Variants in KSR2 observed in about 807,000 individuals in gnomAD.
KSR2 encodes kinase suppressor of ras 2.
In KSR2, 25 loss-of-function variants were observed where a neutral mutation model predicts 107.8. That is an observed-to-expected ratio of 0.23 (90% confidence interval 0.17 to 0.32). KSR2 has a LOEUF of 0.32. Among genes scored for constraint, KSR2 ranks in the 10% least tolerant of loss-of-function variants. KSR2 has a pLI of 1.00. For missense variants in KSR2, 887 were observed against 1,268.9 expected (o/e 0.70, Z 4.57); for synonymous variants, 480 against 507.0 (o/e 0.95, Z 0.71).
intron 14 of KSR2, among the ~76,000 whole-genome samples, chr12:117,515,981 G>T (rs1432307172): frequency 6.6e-6 from 1 of 152,132 alleles, no homozygotes; most frequent in Non-Finnish European, 1.5e-5. Flanking sequence ...GGGAGAAGCT[G>T]CACAGTGGGA....
At chr12:117,475,999 A>G (rs1468337811) in intron 17 of KSR2, among the ~76,000 whole-genome samples, 1 of 152,222 alleles carries the variant, frequency 6.6e-6, no homozygotes, top group Non-Finnish European at 1.5e-5. Context: ...CCGCAGCCCT[A>G]GCCAATATCT....
At chr12:117,631,872 C>T (rs1245136755) in intron 5 of KSR2, among the ~76,000 whole-genome samples, 1 of 152,036 alleles carries the variant, frequency 6.6e-6, no homozygotes, top group East Asian at 1.9e-4. Context: ...GCATAGAGTC[C>T]CCATAAAACA....
In KSR2 at chr12:117,860,361, G is replaced by A. The variant is rs1893250276; in HGVS notation, c.251C>T (p.Ala84Val). Residue 84 changes from alanine (A) to valine (V), a missense_variant, in exon 2 of 20, where the codon GCG becomes GTG. By Grantham distance (64) the Ala-to-Val change is moderately conservative. This residue lies in a region of KSR2 where 399 missense variants were observed against 479.5 expected (regional missense o/e 0.83). Coordinates refer to ENST00000339824, the MANE Select transcript of KSR2 (RefSeq NM_173598.6). ...TAGCTGGGGGAAGCCGTCCAGCTCCGCGTTGCGCTCCTGCAAGGCTACCTT... is the reference window on the plus strand; with the variant it reads ...TAGCTGGGGGAAGCCGTCCAGCTCCACGTTGCGCTCCTGCAAGGCTACCTT... ...KKKVALQERN[A>V]ELDGFPQLRH... is the part of the protein sequence containing the mutation. The A allele has an allele frequency of 1.8e-5, 29 of 1,613,656 alleles. No homozygotes were observed. The highest frequency in any genetic ancestry group is 3.3e-5 in the South Asian group (3 of 91,060).
intron 4 of KSR2, among the ~76,000 whole-genome samples, chr12:117,717,722 C>T (rs1214339507): frequency 4.0e-5 from 6 of 149,420 alleles, no homozygotes; most frequent in East Asian, 2.0e-4. Context: ...TGCATGCGCG[C>T]GCGTGCATGC....
intron 5 of KSR2, among the ~76,000 whole-genome samples, chr12:117,603,864 A>C (rs1237287411): frequency 6.6e-6 from 1 of 152,174 alleles, no homozygotes; most frequent in African/African-American, 2.4e-5. Context: ...CTAAGGGCTA[A>C]ACAGAAACCA....
At chr12:117,471,346 T>A in intron 17 of KSR2, 26 bp from the exon 18 acceptor site, 2 of 1,608,290 alleles carry the variant, frequency 1.2e-6, no homozygotes, top group Non-Finnish European at 1.7e-6. Flanking sequence ...GTTAAAGGGG[T>A]GTTGGTGTGG....
chr12:117,905,497 C>A (rs182240678), intron 1 of KSR2, among the ~76,000 whole-genome samples: 1 of 152,260 alleles, frequency 6.6e-6, no homozygotes, highest in Admixed American at 6.5e-5. Flanking sequence ...ACACCTTCAC[C>A]TCTAGAACCA....
At chr12:117,609,534 T>C (rs985517643) in intron 5 of KSR2, among the ~76,000 whole-genome samples, 1 of 152,266 alleles carries the variant, frequency 6.6e-6, no homozygotes, top group Non-Finnish European at 1.5e-5. Context: ...AAAAGAATCA[T>C]ATTTTGTGAC....
chr12:117,747,411 C>A (rs1383281328), intron 4 of KSR2, among the ~76,000 whole-genome samples: 2 of 133,822 alleles, frequency 1.5e-5, no homozygotes, highest in Non-Finnish European at 3.2e-5. Context: ...GGGTGGGGAA[C>A]AACACACACC....
chr12:117,568,282 T>C (rs1031593649), intron 7 of KSR2, among the ~76,000 whole-genome samples: 2 of 152,066 alleles, frequency 1.3e-5, no homozygotes, highest in Admixed American at 1.3e-4. Flanking sequence ...CAAAGATCCA[T>C]TTGTCATCTT....
chr12:117,660,344 G>A (rs1884380081), intron 5 of KSR2, among the ~76,000 whole-genome samples: 1 of 152,184 alleles, frequency 6.6e-6, no homozygotes, highest in Non-Finnish European at 1.5e-5. Context: ...AAGCAGGGTT[G>A]GTTCTTTCTG....
intron 2 of KSR2, among the ~76,000 whole-genome samples, chr12:117,859,453 T>TA (rs1893211706): frequency 3.0e-5 from 4 of 133,388 alleles, no homozygotes; most frequent in African/African-American, 1.3e-4. Context: ...GTTTTTTGTT[T>TA]TTTATTTATT....
chr12:117,767,257 C>CAA (rs1203613217), intron 3 of KSR2, among the ~76,000 whole-genome samples: 51 of 119,980 alleles, frequency 4.3e-4, no homozygotes, highest in African/African-American at 1.0e-3. Flanking sequence ...ACTAAAAATC[C>CAA]AAAAAAAAAA....
chr12:117,566,908 C>T (rs1878530802), intron 7 of KSR2, among the ~76,000 whole-genome samples: 1 of 152,132 alleles, frequency 6.6e-6, no homozygotes, highest in Non-Finnish European at 1.5e-5. Flanking sequence ...ATAAATGAGC[C>T]CAGCTGGATT....
At chr12:117,533,462 T>C (rs188336607) in intron 10 of KSR2, among the ~76,000 whole-genome samples, 123 of 152,328 alleles carry the variant, frequency 8.1e-4, no homozygotes, top group Middle Eastern at 3.4e-3. Context: ...TATCAAATAG[T>C]TGGAGTCCAT....
At chr12:117,829,806 C>T (rs2137109238) in intron 3 of KSR2, among the ~76,000 whole-genome samples, 1 of 152,340 alleles carries the variant, frequency 6.6e-6, no homozygotes, top group Middle Eastern at 3.4e-3. Context: ...AACTAGGCAG[C>T]CCACTCTAGT....
At chr12:117,892,603 A>G (rs1261549578) in intron 1 of KSR2, among the ~76,000 whole-genome samples, 1 of 152,116 alleles carries the variant, frequency 6.6e-6, no homozygotes, top group Non-Finnish European at 1.5e-5. Context: ...CTCAGCCTAT[A>G]TTTGTAAATA....
chr12:117,794,765 T>C (rs898878661), intron 3 of KSR2, among the ~76,000 whole-genome samples: 3 of 151,952 alleles, frequency 2.0e-5, no homozygotes, highest in African/African-American at 7.3e-5. Context: ...ACACCCAACG[T>C]GCACACACAC....
intron 17 of KSR2, among the ~76,000 whole-genome samples, chr12:117,471,732 T>A (rs906687847): frequency 6.6e-6 from 1 of 151,932 alleles, no homozygotes; most frequent in Non-Finnish European, 1.5e-5. Context: ...TTATGGTAAA[T>A]CCATAAAATA....
Sources: allele counts gnomAD v4.1 joint callset (sites outside exome capture counted in the v4.1 genomes callset), GRCh38; gene constraint gnomAD v4.1.1; regional missense constraint gnomAD v4.1.1; transcripts MANE v1.5; gene names NCBI Gene and HGNC (gene_info 2026-07-23, HGNC 2026-07-21).